The following PIGB variants were observed in gnomAD, a reference collection of about 807,000 sequenced individuals.
The protein encoded by PIGB is phosphatidylinositol glycan anchor biosynthesis class B, also known as GPI alpha-1,2-mannosyltransferase 3.
Under a neutral mutation model 68.4 loss-of-function variants are expected in PIGB, and 58 were observed. That is an observed-to-expected ratio of 0.85 (90% CI 0.69 to 1.06). The LOEUF (loss-of-function observed/expected upper bound fraction) is 1.06, where lower values mean the gene tolerates loss of function less well. PIGB is among the 50% of genes least tolerant of loss of function. The pLI is 0.00. For synonymous variants in PIGB, 219 were observed against 220.5 expected, an observed-to-expected ratio of 0.99 and a Z score of 0.06; for missense variants, 634 against 655.8, an observed-to-expected ratio of 0.97 and a Z score of 0.36.
chr15:55,319,470 C>A (rs2141155062), intron 1 of PIGB, 57 bp downstream of exon 1: 2 of 1,342,080 alleles, frequency 1.5e-6, no homozygotes, highest in Admixed American at 2.4e-5. Context: ...GGAACCCCCT[C>A]CATTTCATTA....
intron 3 of PIGB, among the ~76,000 whole-genome samples, chr15:55,323,465 A>C (rs888169355): frequency 6.6e-6 from 1 of 152,160 alleles, no homozygotes; most frequent in Non-Finnish European, 1.5e-5. Context: ...TCTACAAAAA[A>C]TTTTTAAAAA....
At position 55,328,412 on chromosome 15, in the gene PIGB, A is replaced by T. The variant is rs538755766; in HGVS notation, c.522+777A>T. On this transcript the variant is annotated intron_variant, in intron 4 of 11. Transcript: ENST00000164305. ...TTTTATATTGTTTCTATTGGAAAAT[A>T]CATTCTAAATTCCAAGTAACCAATT... Among the ~76,000 whole-genome samples the T allele has an allele frequency of 2.4e-4, 36 of 152,360 alleles. 1 individual carries two copies. Among genetic ancestry groups the T allele is most frequent in the Admixed American group, 1.4e-3 (21 of 15,304 alleles).
In PIGB at chr15:55,331,233, C is replaced by CT. The variant is rs940042778; in HGVS notation, c.653+1382dup. Among the ~76,000 whole-genome samples the CT allele has an allele frequency of 1.2e-4, 19 of 152,280 alleles. 1 individual carries two copies. The highest frequency in any genetic ancestry group is 4.6e-4 in the Admixed American group (7 of 15,300). ...TCTCATTGTCTCTATCTGGACATAA[C>CT]TTTATTTCACACTGGCCAGCCTTAG... On this transcript the variant is annotated intron_variant, in intron 5 of 11. Transcript: ENST00000164305.
intron 8 of PIGB, 83 bp downstream of exon 8, chr15:55,340,906 G>C: frequency 3.3e-6 from 3 of 898,380 alleles, no homozygotes; most frequent in South Asian, 3.6e-5. Context: ...TAAACTTTAT[G>C]TTTTGGAGGT....
intron 3 of PIGB, among the ~76,000 whole-genome samples, chr15:55,322,889 A>G (rs2055198756): frequency 6.6e-6 from 1 of 152,184 alleles, no homozygotes; most frequent in Non-Finnish European, 1.5e-5. Context: ...GAATCACAAG[A>G]AAATATACAT....
At chr15:55,348,852 T>C (rs991130626) in intron 9 of PIGB, among the ~76,000 whole-genome samples, 1 of 152,254 alleles carries the variant, frequency 6.6e-6, no homozygotes, top group Non-Finnish European at 1.5e-5. Flanking sequence ...GATGTTGTTT[T>C]AGCCTACCAA....
At chr15:55,328,290 A>G (rs2055337042) in intron 4 of PIGB, among the ~76,000 whole-genome samples, 1 of 152,156 alleles carries the variant, frequency 6.6e-6, no homozygotes, top group African/African-American at 2.4e-5. Context: ...CAATACCCTG[A>G]TGAGGGATTG....
chr15:55,337,648 C>T (rs990499076), intron 6 of PIGB, among the ~76,000 whole-genome samples: 1 of 152,256 alleles, frequency 6.6e-6, no homozygotes, highest in South Asian at 2.1e-4. Flanking sequence ...TTAGGGACCG[C>T]TACCTTAGGG....
chr15:55,327,609 G>A lies in PIGB; in HGVS notation c.496G>A (p.Glu166Lys), dbSNP rs1186128092. The part of the protein sequence containing the change: ...VRLYSLMKQL[E>K]NQEVARWVFF... ...ACTTTACTCATTAATGAAGCAACTA[G>A]AAAATCAGGAAGTGGCAAGATGGGT... The change falls in exon 4 of 12, where the codon GAA (glutamate) becomes AAA (lysine). Residue 166 changes from glutamate to lysine, a missense_variant. Coordinates refer to ENST00000164305, the MANE Select transcript of PIGB (RefSeq NM_004855.5). 6.2e-7 allele frequency: 1 copy of A among 1,610,128 alleles called. No homozygotes were observed. The highest frequency in any genetic ancestry group is 8.5e-7 in the Non-Finnish European group (1 of 1,177,758).
In PIGB at chr15:55,333,875, A is replaced by G. The variant is rs1661282921; in HGVS notation, c.662A>G (p.Tyr221Cys). Reference protein sequence around the residue: ...EGSKSMNSVKYSSLVALAFII... With the variant: ...EGSKSMNSVKCSSLVALAFII... ...ACATTTTCCTCTTATAGTGTCAAAT[A>G]CTCATCCCTGGTGGCACTTGCCTTC... Residue 221 changes from tyrosine to cysteine, a missense_variant, in exon 6 of 12, where the codon TAC becomes TGC. By Grantham distance (194) the Tyr-to-Cys change is radical. Transcript: ENST00000164305. 1 of 1,598,278 alleles carries G rather than the reference A, an allele frequency of 6.3e-7. No homozygotes were observed. The highest frequency in any genetic ancestry group is 1.3e-5 in the African/African-American group (1 of 74,134).
intron 9 of PIGB, among the ~76,000 whole-genome samples, chr15:55,344,978 C>T (rs1012704661): frequency 6.6e-6 from 1 of 150,388 alleles, no homozygotes; most frequent in Non-Finnish European, 1.5e-5. Context: ...TCACTACAAC[C>T]TCCGCCTCCT....
chr15:55,334,580 C>G (rs1195680262), intron 6 of PIGB, among the ~76,000 whole-genome samples: 1 of 152,122 alleles, frequency 6.6e-6, no homozygotes, highest in Admixed American at 6.6e-5. Flanking sequence ...TGCATTCTGA[C>G]TCTTACAACA....
chr15:55,336,852 T>C (rs2055547646), intron 6 of PIGB, among the ~76,000 whole-genome samples: 1 of 152,078 alleles, frequency 6.6e-6, no homozygotes, highest in Admixed American at 6.6e-5. Context: ...TAGCTGGGCA[T>C]TGTGGCACAT....
chr15:55,321,067 G>C (rs1387973063), intron 2 of PIGB, among the ~76,000 whole-genome samples: 1 of 152,094 alleles, frequency 6.6e-6, no homozygotes, highest in Non-Finnish European at 1.5e-5. Flanking sequence ...GCTGTTTTAA[G>C]ACTGCCACAA....
intron 5 of PIGB, among the ~76,000 whole-genome samples, chr15:55,332,664 C>T (rs1036242802): frequency 2.0e-5 from 3 of 152,206 alleles, no homozygotes; most frequent in Non-Finnish European, 4.4e-5. Flanking sequence ...TGAGCCACCA[C>T]ACCTGGCCTA....
chr15:55,332,074 T>C (rs540759504), intron 5 of PIGB, among the ~76,000 whole-genome samples: 1 of 151,952 alleles, frequency 6.6e-6, no homozygotes, highest in African/African-American at 2.4e-5. Flanking sequence ...GCCTCCTGGG[T>C]TCAAGCAATT....
intron 3 of PIGB, among the ~76,000 whole-genome samples, chr15:55,326,058 G>A (rs938449542): frequency 2.6e-5 from 4 of 151,852 alleles, no homozygotes; most frequent in Admixed American, 6.6e-5. Context: ...TTAGCTGGGC[G>A]TGGCGGCGTG....
At position 55,320,200 on chromosome 15, in the gene PIGB, C is replaced by G. The variant is rs529204107; in HGVS notation, c.164-75C>G. 2.7e-4 allele frequency: 389 copies of G among 1,425,716 alleles called. 3 individuals carry two copies. Among genetic ancestry groups the G allele is most frequent in the Middle Eastern group, 1.7e-3 (9 of 5,424 alleles). 88.3% of individuals were successfully genotyped at this position (1,425,716 alleles called of 1,614,324 possible). On this transcript the variant is annotated intron_variant, in intron 1 of 11. Transcript: ENST00000164305. ...GTGCCTTACAAGGAGCCAACCAGAG[C>G]AGCAGATTTTAAGTTTTGCAAGTGG...
chr15:55,330,457 G>A (rs574538015), intron 5 of PIGB, among the ~76,000 whole-genome samples: 3 of 152,286 alleles, frequency 2.0e-5, no homozygotes, highest in African/African-American at 7.2e-5. Context: ...CTTTAAACTG[G>A]GGAAACAAAT....
Sources: allele counts gnomAD v4.1 joint callset (sites outside exome capture counted in the v4.1 genomes callset), GRCh38; gene constraint gnomAD v4.1.1; transcripts MANE v1.5; gene names NCBI Gene and HGNC (gene_info 2026-07-23, HGNC 2026-07-21).